Variants in LGSN observed in about 807,000 individuals in gnomAD.
LGSN encodes the protein lengsin, lens protein with glutamine synthetase domain, also known as lengsin.
A neutral mutation model predicts 19.5 loss-of-function variants in LGSN; 21 were observed. The observed-to-expected ratio is 1.07, with a 90% CI of 0.76 to 1.55. The LOEUF is 1.55. Among genes scored for constraint, LGSN ranks in the 40% most tolerant of loss-of-function variants. The pLI, the probability that LGSN is intolerant of heterozygous loss-of-function variation, is 0.00. For synonymous variants in LGSN, 257 were observed against 215.6 expected (o/e 1.19, Z -1.68); for missense variants, 673 against 608.5 (o/e 1.11, Z -1.12).
the LGSN span, among the ~76,000 whole-genome samples, chr6:63,552,169 A>T: frequency 6.6e-6 from 1 of 152,306 alleles, no homozygotes; most frequent in East Asian, 1.9e-4. Context: ...ACAGTGTAAA[A>T]GTGTTCCTAT....
At chr6:63,319,395 C>A (rs1768999849) in intron 1 of LGSN, among the ~76,000 whole-genome samples, 1 of 152,162 alleles carries the variant, frequency 6.6e-6, no homozygotes, top group Admixed American at 6.6e-5. Flanking sequence ...TGGGTACACA[C>A]ACATTAAGAA....
the LGSN span, among the ~76,000 whole-genome samples, chr6:63,461,259 C>A: frequency 6.6e-6 from 1 of 152,154 alleles, no homozygotes; most frequent in African/African-American, 2.4e-5. Context: ...ACCGTGTTGG[C>A]CATGCTGGTC....
the LGSN span, among the ~76,000 whole-genome samples, chr6:63,457,372 G>T: frequency 6.6e-6 from 1 of 152,066 alleles, no homozygotes; most frequent in Non-Finnish European, 1.5e-5. Flanking sequence ...AGTCGTGGTG[G>T]CACATGCCTG....
At chr6:63,452,251 A>G in the LGSN span, among the ~76,000 whole-genome samples, 1 of 151,772 alleles carries the variant, frequency 6.6e-6, no homozygotes, top group Non-Finnish European at 1.5e-5. Flanking sequence ...TTGTTTGTTT[A>G]TTATTCTTTA....
At chr6:63,499,309 A>G in the LGSN span, among the ~76,000 whole-genome samples, 2 of 152,160 alleles carry the variant, frequency 1.3e-5, no homozygotes, top group South Asian at 4.1e-4. Context: ...AAGAAAAAGT[A>G]TAGTACAGTC....
At chr6:63,356,795 T>C in the LGSN span, among the ~76,000 whole-genome samples, 1 of 152,188 alleles carries the variant, frequency 6.6e-6, no homozygotes, top group Admixed American at 6.5e-5. Flanking sequence ...TTAAAGCATC[T>C]TTATGGTTAC....
the LGSN span, among the ~76,000 whole-genome samples, chr6:63,529,796 A>C: frequency 6.6e-6 from 1 of 152,118 alleles, no homozygotes; most frequent in Non-Finnish European, 1.5e-5. Flanking sequence ...ACCTACCCAC[A>C]TCCTATATTG....
At chr6:63,478,197 G>A in the LGSN span, among the ~76,000 whole-genome samples, 1 of 152,156 alleles carries the variant, frequency 6.6e-6, no homozygotes, top group Non-Finnish European at 1.5e-5. Context: ...TTAGTTGACT[G>A]TCTAATTTAA....
intron 1 of LGSN, among the ~76,000 whole-genome samples, chr6:63,310,182 A>G (rs1041712516): frequency 2.6e-5 from 4 of 152,126 alleles, no homozygotes; most frequent in African/African-American, 9.7e-5. Flanking sequence ...GCCTGTCCTG[A>G]TAAGACAGTT....
chr6:63,509,209 C>A, the LGSN span, among the ~76,000 whole-genome samples: 10 of 151,592 alleles, frequency 6.6e-5, no homozygotes, highest in African/African-American at 2.4e-4. Context: ...GGATTACAGG[C>A]GCACACCACC....
At chr6:63,454,470 C>CTTTTTTTT in the LGSN span, among the ~76,000 whole-genome samples, 22 of 118,662 alleles carry the variant, frequency 1.9e-4, no homozygotes, top group South Asian at 2.8e-4. Flanking sequence ...TTTACATTTT[C>CTTTTTTTT]TTTTTTTTTT....
chr6:63,345,099 A>T, the LGSN span, among the ~76,000 whole-genome samples: 1 of 151,458 alleles, frequency 6.6e-6, no homozygotes, highest in Non-Finnish European at 1.5e-5. Context: ...AGCTGACACC[A>T]TTATCCCACA....
intron 1 of LGSN, among the ~76,000 whole-genome samples, chr6:63,295,832 G>T (rs1663945420): frequency 6.6e-6 from 1 of 151,990 alleles, no homozygotes; most frequent in South Asian, 2.1e-4. Flanking sequence ...CACAAAAGCT[G>T]TCACTGAAAA....
chr6:63,294,063 C>T (rs187074597), intron 2 of LGSN, among the ~76,000 whole-genome samples: 3 of 152,202 alleles, frequency 2.0e-5, no homozygotes, highest in Admixed American at 6.5e-5. Flanking sequence ...TGAGGTGGCT[C>T]ATGTCTGTAG....
chr6:63,323,562 A>G (rs1008783328), upstream of LGSN, among the ~76,000 whole-genome samples: 1 of 73,364 alleles, frequency 1.4e-5, no homozygotes, highest in East Asian at 3.7e-4. Context: ...CCTCATATAC[A>G]CACACACACA....
the LGSN span, among the ~76,000 whole-genome samples, chr6:63,343,962 G>A: frequency 6.6e-6 from 1 of 152,078 alleles, no homozygotes; most frequent in Non-Finnish European, 1.5e-5. Flanking sequence ...GCAGCCCCCA[G>A]AGAACCACCA....
the LGSN span, chr6:63,572,447 G>C: frequency 2.6e-6 from 1 of 378,148 alleles, no homozygotes. Flanking sequence ...ACGTCGCGCC[G>C]GCTATAAAGG....
chr6:63,280,956 C>T lies in LGSN; in HGVS notation c.595G>A (p.Gly199Ser). 1 of 1,614,036 alleles carries T rather than the reference C, an allele frequency of 6.2e-7. No homozygotes were observed. The highest frequency in any genetic ancestry group is 8.5e-7 in the Non-Finnish European group (1 of 1,180,012). The change falls in exon 4 of 4, where the codon GGC becomes AGC. Residue 199 changes from glycine (G) to serine (S), a missense_variant. Coordinates refer to ENST00000370657, the MANE Select transcript of LGSN (RefSeq NM_016571.3). ...KRQLSHLQAS[G>S]FSLLSAFIYD... ...ATGAAAGCAGAAAGCAGGGAAAAGC[C>T]AGAGGCCTGCAGATGGCTCAGCTGC...
At chr6:63,414,448 T>C in the LGSN span, among the ~76,000 whole-genome samples, 2 of 152,214 alleles carry the variant, frequency 1.3e-5, no homozygotes, top group East Asian at 1.9e-4. Context: ...AGAGTAGATA[T>C]GTATTCTTTA....
Sources: gnomAD v4.1 joint callset for allele counts (sites outside exome capture counted in the v4.1 genomes callset) on GRCh38, gnomAD v4.1.1 for gene constraint, MANE v1.5 for transcripts, NCBI Gene and HGNC (gene_info 2026-07-23, HGNC 2026-07-21) for gene names.